The following MDGA2 variants were observed in gnomAD, a reference collection of about 807,000 sequenced individuals.
The protein encoded by MDGA2 is MAM domain-containing glycosylphosphatidylinositol anchor protein 2.
Under a neutral mutation model 117.8 loss-of-function variants are expected in MDGA2, and 40 were observed. The ratio of observed to expected loss-of-function variants is 0.34; its 90% CI spans 0.26 to 0.44. MDGA2 has a LOEUF of 0.44. Ranked by LOEUF, MDGA2 falls within the 20% of genes least tolerant of loss-of-function variation. The probability of loss-of-function intolerance (pLI) is 1.00; values close to 1 mark genes in which losing one functional copy is unlikely to be tolerated. For synonymous variants in MDGA2, 452 were observed against 439.0 expected, an observed-to-expected ratio of 1.03 and a Z score of -0.37; for missense variants, 1,123 against 1,250.6, an observed-to-expected ratio of 0.90 and a Z score of 1.54.
intron 1 of MDGA2, among the ~76,000 whole-genome samples, chr14:47,385,516 A>G (rs990515091): frequency 6.6e-6 from 1 of 152,158 alleles, no homozygotes; most frequent in Non-Finnish European, 1.5e-5. Context: ...TAAATATGGA[A>G]TAATAATATT....
At position 47,003,172 on chromosome 14, in the gene MDGA2, G is replaced by A. The variant is rs144168077; in HGVS notation, c.1819+31839C>T. Among the ~76,000 whole-genome samples, 575 of 152,198 alleles carry A rather than the reference G, an allele frequency of 3.8e-3. 7 individuals carry two copies. The highest frequency in any genetic ancestry group is 0.013 in the African/African-American group (535 of 41,538). ...TTTTGAGATTCATATGTGTTGTTGC[G>A]TGTGTCCATGATTGAAGTTTGTTTC... On this transcript the variant is annotated intron_variant, in intron 8 of 16. Coordinates refer to ENST00000399232, the MANE Select transcript of MDGA2 (RefSeq NM_001113498.3).
intron 1 of MDGA2, among the ~76,000 whole-genome samples, chr14:47,517,691 C>T (rs1045387073): frequency 1.3e-5 from 2 of 152,130 alleles, no homozygotes; most frequent in Admixed American, 6.5e-5. Flanking sequence ...CAGTTACCCA[C>T]ATATTTGTGC....
chr14:47,032,088 T>C (rs1400719005), intron 8 of MDGA2, among the ~76,000 whole-genome samples: 1 of 152,152 alleles, frequency 6.6e-6, no homozygotes, highest in African/African-American at 2.4e-5. Context: ...TATATTATGC[T>C]GGGAATACAA....
At chr14:47,025,736 G>T (rs1888449486) in intron 8 of MDGA2, among the ~76,000 whole-genome samples, 1 of 151,942 alleles carries the variant, frequency 6.6e-6, no homozygotes, top group South Asian at 2.1e-4. Context: ...TATATTTTGG[G>T]CAAGAAAACT....
chr14:47,456,883 A>T (rs914274531), intron 1 of MDGA2, among the ~76,000 whole-genome samples: 2 of 151,928 alleles, frequency 1.3e-5, no homozygotes, highest in African/African-American at 4.8e-5. Flanking sequence ...TACTTAAGAG[A>T]AACACTTGGA....
chr14:47,066,809 T>A (rs2416016), intron 6 of MDGA2, among the ~76,000 whole-genome samples: 141,797 of 152,224 alleles, frequency 0.93, 66,107 homozygotes, highest in East Asian at 1. Context: ...TTTCAGAAAA[T>A]GGTTAATGAG....
chr14:47,301,279 A>ACACACC, intron 2 of MDGA2, 132 bp downstream of exon 2: 1 of 889,910 alleles, frequency 1.1e-6, no homozygotes, highest in South Asian at 1.8e-5. Flanking sequence ...TTACACACAC[A>ACACACC]CACACCCACA....
chr14:47,130,953 C>T (rs1044392455), intron 5 of MDGA2, among the ~76,000 whole-genome samples: 1 of 152,010 alleles, frequency 6.6e-6, no homozygotes, highest in Non-Finnish European at 1.5e-5. Flanking sequence ...ACCAACATGG[C>T]CCATGTATAC....
At chr14:47,627,719 G>C (rs1594951311) in intron 1 of MDGA2, among the ~76,000 whole-genome samples, 1 of 152,174 alleles carries the variant, frequency 6.6e-6, no homozygotes, top group South Asian at 2.1e-4. Context: ...GCCAGCAGTG[G>C]CAACCCGCTG....
chr14:46,854,675 T>TG (rs1196316434), intron 15 of MDGA2, among the ~76,000 whole-genome samples: 1 of 151,844 alleles, frequency 6.6e-6, no homozygotes, highest in East Asian at 1.9e-4. Flanking sequence ...GATTGAGAAT[T>TG]GATTACCAAG....
In MDGA2 at chr14:47,658,563, C is replaced by T. The variant is rs192262982; in HGVS notation, c.280+15954G>A. The stretch of plus-strand genomic sequence containing the variant: ...TTGTGAGTTTCCTTAAGATAAAAGG[C>T]CAGCTCCTGGAGGGCCAGTTCTCAA... On this transcript the variant is annotated intron_variant, in intron 1 of 16. Transcript: ENST00000399232. Among the ~76,000 whole-genome samples the T allele has an allele frequency of 3.9e-5, 6 of 152,212 alleles. No individual in the cohort carries two copies. The East Asian group carries it at 1.2e-3, about 29-fold the overall frequency.
intron 3 of MDGA2, chr14:47,200,613 A>G: frequency 7.9e-7 from 1 of 1,269,192 alleles, no homozygotes; most frequent in Non-Finnish European, 1.1e-6. Flanking sequence ...ACCTCTGTAT[A>G]TTTGTCAATT....
rs1345993444 is a variant in MDGA2 at position 47,675,437 on chromosome 14, G to T, written c.-641C>A. Among the ~76,000 whole-genome samples, 2 of 152,020 alleles carry T rather than the reference G, an allele frequency of 1.3e-5. No individual in the cohort carries two copies. The highest frequency in any genetic ancestry group is 4.8e-5 in the African/African-American group (2 of 41,410). Reference sequence around the variant, plus strand: ...AGGAGGAAAGGGTCCAACAGGGAGCGGAGTGTGCGTCTGGAGCTCGCTTGG... The same window carrying T: ...AGGAGGAAAGGGTCCAACAGGGAGCTGAGTGTGCGTCTGGAGCTCGCTTGG... On this transcript the variant is annotated 5_prime_UTR_variant, in exon 1 of 17. Coordinates refer to ENST00000399232, the MANE Select transcript of MDGA2 (RefSeq NM_001113498.3).
At chr14:47,308,764 A>C (rs963211108) in intron 1 of MDGA2, among the ~76,000 whole-genome samples, 10 of 151,836 alleles carry the variant, frequency 6.6e-5, no homozygotes, top group Non-Finnish European at 2.9e-5. Context: ...TAATGATAAC[A>C]CATTCACAGC....
At chr14:47,563,011 G>A (rs1895845084) in intron 1 of MDGA2, among the ~76,000 whole-genome samples, 1 of 152,002 alleles carries the variant, frequency 6.6e-6, no homozygotes, top group South Asian at 2.1e-4. Context: ...TTCAGGAGCA[G>A]GCTGTTGAAT....
intron 1 of MDGA2, among the ~76,000 whole-genome samples, chr14:47,483,411 G>A (rs1181170347): frequency 2.0e-5 from 3 of 151,184 alleles, no homozygotes; most frequent in South Asian, 2.1e-4. Context: ...ATGATCACTA[G>A]ACTTGCCTTT....
chr14:47,146,617 T>C (rs1882955014), intron 3 of MDGA2, among the ~76,000 whole-genome samples: 1 of 152,226 alleles, frequency 6.6e-6, no homozygotes, highest in Non-Finnish European at 1.5e-5. Flanking sequence ...TCTGATTCAA[T>C]TGTAAACAAT....
chr14:46,965,815 T>C (rs1190141156), intron 8 of MDGA2, among the ~76,000 whole-genome samples: 2 of 152,190 alleles, frequency 1.3e-5, no homozygotes, highest in Non-Finnish European at 2.9e-5. Flanking sequence ...ATCAGTTTTT[T>C]ATGGCATAAA....
In MDGA2 at chr14:47,163,105, C is replaced by T. The variant is rs117427742; in HGVS notation, c.596-18831G>A. On this transcript the variant is annotated intron_variant, in intron 3 of 16. Coordinates refer to ENST00000399232, the MANE Select transcript of MDGA2 (RefSeq NM_001113498.3). ...TTTGTCACATCTTTGGGGCTCTAAT[C>T]TGGTTGTTGATGAATCCTAATGGTA... 8.7e-3 allele frequency among the ~76,000 whole-genome samples: 1,328 copies of T among 152,250 alleles called. 5 individuals carry two copies. The highest frequency in any genetic ancestry group is 0.017 in the Middle Eastern group (5 of 294).
Sources: gnomAD v4.1 joint callset for allele counts (sites outside exome capture counted in the v4.1 genomes callset) on GRCh38, gnomAD v4.1.1 for gene constraint, MANE v1.5 for transcripts, NCBI Gene and HGNC (gene_info 2026-07-23, HGNC 2026-07-21) for gene names.